The following SLC9D1 variants were observed in gnomAD, a reference collection of about 807,000 sequenced individuals.
SLC9D1 encodes solute carrier family 9 member D1, also known as putative LAG1-interacting protein.
chr13:113,549,481 G>C, the SLC9D1 span: 1 of 1,614,156 alleles, frequency 6.2e-7, no homozygotes. Flanking sequence ...CCCCGGTGCT[G>C]TGGAGAGCTG....
chr13:113,498,480 G>T, the SLC9D1 span: 1 of 1,593,612 alleles, frequency 6.3e-7, no homozygotes, highest in Non-Finnish European at 8.5e-7. Flanking sequence ...GGATCGTCTG[G>T]AGGAAGAGAT....
At chr13:113,499,225 G>A in the SLC9D1 span, among the ~76,000 whole-genome samples, 6 of 152,140 alleles carry the variant, frequency 3.9e-5, no homozygotes, top group Non-Finnish European at 7.3e-5. Context: ...GACGAGCAGA[G>A]GTCACTCTCA....
chr13:113,496,595 T>C, the SLC9D1 span, among the ~76,000 whole-genome samples: 3 of 152,370 alleles, frequency 2.0e-5, no homozygotes, highest in South Asian at 6.2e-4. Context: ...TTTAAAGCCA[T>C]CATTTCTTGA....
chr13:113,541,499 G>A, the SLC9D1 span, among the ~76,000 whole-genome samples: 1 of 135,722 alleles, frequency 7.4e-6, no homozygotes. Context: ...GCCGAGATGT[G>A]TGGATGATAC....
the SLC9D1 span, among the ~76,000 whole-genome samples, chr13:113,543,127 CCG>C: frequency 1.4e-4 from 12 of 86,308 alleles, no homozygotes; most frequent in African/African-American, 1.5e-4. Flanking sequence ...CCCTCCCTGT[CCG>C]TGACCACCTC....
At chr13:113,520,550 C>A in the SLC9D1 span, 2 of 1,073,130 alleles carry the variant, frequency 1.9e-6, no homozygotes, top group Non-Finnish European at 2.8e-6. Flanking sequence ...TGTACAATGG[C>A]AATATTTTGA....
chr13:113,530,882 A>G, the SLC9D1 span, among the ~76,000 whole-genome samples: 1 of 152,236 alleles, frequency 6.6e-6, no homozygotes, highest in Non-Finnish European at 1.5e-5. Context: ...ATTAGACTTG[A>G]GTAAAGTAGG....
the SLC9D1 span, among the ~76,000 whole-genome samples, chr13:113,533,510 G>A: frequency 3.4e-4 from 52 of 152,338 alleles, 1 homozygote; most frequent in African/African-American, 9.1e-4. Flanking sequence ...GTGGATGTCC[G>A]CTGGCTGAGA....
the SLC9D1 span, among the ~76,000 whole-genome samples, chr13:113,541,032 G>A: frequency 1.3e-5 from 2 of 152,088 alleles, no homozygotes; most frequent in South Asian, 2.1e-4. Flanking sequence ...GTGGGTGTGC[G>A]GCCTGATTTC....
At chr13:113,547,507 G>A in the SLC9D1 span, 1 of 713,548 alleles carries the variant, frequency 1.4e-6, no homozygotes, top group Non-Finnish European at 2.4e-6. Flanking sequence ...CTCGGAGGAG[G>A]CCCACTGGGC....
chr13:113,500,033 C>T, the SLC9D1 span: 5 of 1,591,440 alleles, frequency 3.1e-6, no homozygotes, highest in East Asian at 2.3e-5. Flanking sequence ...TATAACAAAA[C>T]GAGAAGTGGA....
chr13:113,549,291 G>C, the SLC9D1 span: 1 of 997,122 alleles, frequency 1.0e-6, no homozygotes, highest in Non-Finnish European at 1.5e-6. Flanking sequence ...AGCACTCAGC[G>C]TGACTGTGCT....
At chr13:113,549,474 C>A in the SLC9D1 span, 3 of 1,614,062 alleles carry the variant, frequency 1.9e-6, no homozygotes, top group South Asian at 1.1e-5. Flanking sequence ...TTGCTCGCCC[C>A]GGTGCTGTGG....
chr13:113,493,809 A>C, the SLC9D1 span, among the ~76,000 whole-genome samples: 51 of 152,330 alleles, frequency 3.3e-4, no homozygotes, highest in Non-Finnish European at 5.9e-4. Context: ...GTTGTCTAAC[A>C]CAGTACTGTC....
At chr13:113,516,564 T>C in the SLC9D1 span, among the ~76,000 whole-genome samples, 140 of 79,896 alleles carry the variant, frequency 1.8e-3, no homozygotes, top group African/African-American at 4.2e-3. Context: ...AGACTCCATC[T>C]CAAAAAAAAA....
chr13:113,544,900 G>T, the SLC9D1 span, among the ~76,000 whole-genome samples: 1 of 152,270 alleles, frequency 6.6e-6, no homozygotes, highest in Non-Finnish European at 1.5e-5. Flanking sequence ...AAAGCACGAA[G>T]TGTTTTCCAT....
At chr13:113,503,875 G>A in the SLC9D1 span, 1 of 345,484 alleles carries the variant, frequency 2.9e-6, no homozygotes, top group Non-Finnish European at 5.3e-6. Context: ...TCCCTCTAAG[G>A]TGCGAAACTG....
At chr13:113,549,335 C>A in the SLC9D1 span, 1 of 1,453,486 alleles carries the variant, frequency 6.9e-7, no homozygotes, top group South Asian at 1.2e-5. Flanking sequence ...AGGCGTCCCT[C>A]CCAGCTCAGT....
the SLC9D1 span, among the ~76,000 whole-genome samples, chr13:113,494,061 A>G: frequency 2.6e-5 from 4 of 152,264 alleles, no homozygotes; most frequent in African/African-American, 9.6e-5. Flanking sequence ...AAATGAAAGT[A>G]TAGATATATA....
Sources: gnomAD v4.1 joint callset for allele counts (sites outside exome capture counted in the v4.1 genomes callset) on GRCh38, gnomAD v4.1.1 for gene constraint, MANE v1.5 for transcripts, NCBI Gene and HGNC (gene_info 2026-07-23, HGNC 2026-07-21) for gene names.